Variants in GPC3 observed in about 807,000 individuals in gnomAD.
GPC3 encodes the protein glypican-3.
Under a neutral mutation model 34.4 loss-of-function variants are expected in GPC3, and 3 were observed. That is an observed-to-expected ratio of 0.09 (90% CI 0.04 to 0.23). The LOEUF (loss-of-function observed/expected upper bound fraction) is 0.23. Among genes scored for constraint, GPC3 ranks in the 10% least tolerant of loss-of-function variants. GPC3 has a pLI of 1.00. For missense variants in GPC3, 351 were observed against 445.6 expected, an observed-to-expected ratio of 0.79 and a Z score of 1.91; for synonymous variants, 177 against 174.0, an observed-to-expected ratio of 1.02 and a Z score of -0.13.
At chrX:133,881,979 C>T (rs750961091) in intron 2 of GPC3, among the ~76,000 whole-genome samples, 87 of 112,615 alleles carry the variant, frequency 7.7e-4, no homozygotes, top group Middle Eastern at 4.7e-3. Flanking sequence ...CCCTTCGCGC[C>T]GTGCCTCCTG....
At chrX:133,679,351 A>G (rs903591244) in intron 5 of GPC3, among the ~76,000 whole-genome samples, 2 of 111,587 alleles carry the variant, frequency 1.8e-5, no homozygotes, top group Non-Finnish European at 3.8e-5. Context: ...GTAATTTATA[A>G]TTTTCAAAAA....
intron 2 of GPC3, among the ~76,000 whole-genome samples, chrX:133,821,942 C>T (rs1354837436): frequency 2.7e-5 from 3 of 111,686 alleles, no homozygotes; most frequent in Non-Finnish European, 5.6e-5. Context: ...AAACAGATAA[C>T]GGTATACTGC....
At chrX:133,707,489 C>T (rs2071228653) in intron 3 of GPC3, among the ~76,000 whole-genome samples, 1 of 111,498 alleles carries the variant, frequency 9.0e-6, no homozygotes, top group Non-Finnish European at 1.9e-5. Context: ...GATCAATATT[C>T]TGGGTTTAAC....
chrX:133,883,042 C>T (rs1450348428), intron 2 of GPC3, among the ~76,000 whole-genome samples: 3 of 110,629 alleles, frequency 2.7e-5, no homozygotes, highest in Non-Finnish European at 5.7e-5. Flanking sequence ...CCCCAAATGC[C>T]TTCACAGTCC....
intron 6 of GPC3, among the ~76,000 whole-genome samples, chrX:133,612,615 G>A (rs1022930715): frequency 1.8e-5 from 2 of 110,891 alleles, no homozygotes; most frequent in Non-Finnish European, 3.8e-5. Context: ...TCATCTAACT[G>A]GGGAACCTCT....
intron 3 of GPC3, among the ~76,000 whole-genome samples, chrX:133,740,504 A>G (rs974092518): frequency 8.9e-5 from 10 of 112,379 alleles, no homozygotes; most frequent in Non-Finnish European, 1.9e-4. Flanking sequence ...AACTGCTCAA[A>G]GATTATTTAA....
At chrX:133,947,237 G>A (rs1311787603) in intron 2 of GPC3, among the ~76,000 whole-genome samples, 1 of 111,326 alleles carries the variant, frequency 9.0e-6, no homozygotes, top group Non-Finnish European at 1.9e-5. Context: ...CCACTAGTGA[G>A]AAAGGTGGGC....
At chrX:133,786,334 G>T (rs1483118783) in intron 2 of GPC3, among the ~76,000 whole-genome samples, 1 of 112,403 alleles carries the variant, frequency 8.9e-6, no homozygotes, top group Non-Finnish European at 1.9e-5. Flanking sequence ...GGCGGAGGTT[G>T]CAGTGAGCCG....
In GPC3 at chrX:133,964,344, G is replaced by A. The variant is rs141216413; in HGVS notation, c.176-11133C>T. On this transcript the variant is annotated intron_variant, in intron 1 of 7. Coordinates refer to ENST00000370818, the MANE Select transcript of GPC3 (RefSeq NM_004484.4). ...AACCACAAAGACCAGGTGGAAAGCT[G>A]CAGTAGATTGCAAGTGCACCACTGC... 8.1e-3 allele frequency among the ~76,000 whole-genome samples: 909 copies of A among 112,121 alleles called. 15 individuals are homozygous for A. The highest frequency in any genetic ancestry group is 0.028 in the African/African-American group (871 of 30,895).
intron 2 of GPC3, among the ~76,000 whole-genome samples, chrX:133,878,983 G>A (rs191786506): frequency 4.5e-5 from 5 of 111,484 alleles, no homozygotes; most frequent in East Asian, 2.8e-4. Flanking sequence ...TGTACAAGTC[G>A]AATGTCTGCT....
In GPC3 at chrX:133,706,463, G is replaced by C. The variant is rs1439597721; in HGVS notation, c.1033-6435C>G. Among the ~76,000 whole-genome samples the C allele has an allele frequency of 2.7e-5, 3 of 111,596 alleles. No individual in the cohort carries two copies. In the Admixed American group the frequency reaches 2.9e-4, roughly 11 times the overall value. On this transcript the variant is annotated intron_variant, in intron 3 of 7. Transcript: ENST00000370818. Reference sequence around the variant, plus strand: ...TTTGCAAACTATGCATCTGACAAAAGCCTAATACCCAGAAGCTATAAGGAA... The same window carrying C: ...TTTGCAAACTATGCATCTGACAAAACCCTAATACCCAGAAGCTATAAGGAA...
At chrX:133,565,945 T>C (rs7052112) in intron 7 of GPC3, among the ~76,000 whole-genome samples, 8 of 112,396 alleles carry the variant, frequency 7.1e-5, no homozygotes, top group African/African-American at 2.6e-4. Context: ...ATCTCCAAAG[T>C]TGTAAAAATT....
At chrX:133,881,552 C>G (rs926468708) in intron 2 of GPC3, among the ~76,000 whole-genome samples, 2 of 112,607 alleles carry the variant, frequency 1.8e-5, no homozygotes, top group Non-Finnish European at 3.7e-5. Flanking sequence ...ATGAAAACTA[C>G]TTAGCAGTTT....
intron 3 of GPC3, among the ~76,000 whole-genome samples, chrX:133,749,661 A>T (rs2071643334): frequency 8.9e-6 from 1 of 111,818 alleles, no homozygotes; most frequent in Non-Finnish European, 1.9e-5. Flanking sequence ...GCTTAAAGCC[A>T]GCTCGAAAGG....
intron 6 of GPC3, among the ~76,000 whole-genome samples, chrX:133,648,830 G>A (rs958275919): frequency 2.7e-5 from 3 of 111,932 alleles, no homozygotes; most frequent in African/African-American, 9.7e-5. Context: ...TTCCAATCTC[G>A]ATCTGTCAAA....
intron 6 of GPC3, among the ~76,000 whole-genome samples, chrX:133,628,581 G>A (rs1468123963): frequency 7.3e-5 from 8 of 109,272 alleles, no homozygotes; most frequent in African/African-American, 2.7e-4. Flanking sequence ...ACTTGAACCC[G>A]GGAGGTGGAG....
intron 1 of GPC3, among the ~76,000 whole-genome samples, chrX:133,974,935 TA>T (rs1419689900): frequency 9.0e-6 from 1 of 111,356 alleles, no homozygotes; most frequent in Non-Finnish European, 1.9e-5. Context: ...CCAAACTGAT[TA>T]TTTCAGCCCT....
chrX:133,811,955 G>A (rs1410987049), intron 2 of GPC3, among the ~76,000 whole-genome samples: 1 of 112,018 alleles, frequency 8.9e-6, no homozygotes, highest in African/African-American at 3.2e-5. Context: ...AAAAGTATTA[G>A]TTAAAAACCA....
At chrX:133,950,866 G>A (rs550872164) in intron 2 of GPC3, among the ~76,000 whole-genome samples, 2 of 111,126 alleles carry the variant, frequency 1.8e-5, no homozygotes, top group South Asian at 3.8e-4. Flanking sequence ...TCCTTGTTGG[G>A]TTTATTTTTT....
Sources: gnomAD v4.1 joint callset for allele counts (sites outside exome capture counted in the v4.1 genomes callset) on GRCh38, gnomAD v4.1.1 for gene constraint, MANE v1.5 for transcripts, NCBI Gene and HGNC (gene_info 2026-07-23, HGNC 2026-07-21) for gene names.